The following PCDHA11 variants were observed in gnomAD, a reference collection of about 807,000 sequenced individuals.
PCDHA11 encodes protocadherin alpha 11.
In PCDHA11, 61 loss-of-function variants were observed where a neutral mutation model predicts 70.3. The ratio of observed to expected loss-of-function variants is 0.87; its 90% confidence interval spans 0.71 to 1.07. The LOEUF (loss-of-function observed/expected upper bound fraction) is 1.07, where lower values mean the gene tolerates loss of function less well. PCDHA11 is among the 50% of genes least tolerant of loss of function. The pLI, the probability that PCDHA11 is intolerant of heterozygous loss-of-function variation, is 0.00. For missense variants in PCDHA11, 1,324 were observed against 1,237.5 expected (o/e 1.07, Z -1.05); for synonymous variants, 633 against 555.1 (o/e 1.14, Z -1.97).
chr5:140,907,616 GCT>G (rs1554193070), intron 1 of PCDHA11, among the ~76,000 whole-genome samples: 1 of 152,216 alleles, frequency 6.6e-6, no homozygotes, highest in Non-Finnish European at 1.5e-5. Context: ...CATATCAAGG[GCT>G]CAGTGTTGGT....
chr5:140,967,019 C>T (rs887648506), intron 1 of PCDHA11: 1 of 1,607,542 alleles, frequency 6.2e-7, no homozygotes, highest in Non-Finnish European at 8.5e-7. Flanking sequence ...TCTGGGTGCG[C>T]CCAGTCCGCG....
intron 1 of PCDHA11, among the ~76,000 whole-genome samples, chr5:140,926,200 G>A (rs1050721250): frequency 6.6e-6 from 1 of 151,674 alleles, no homozygotes; most frequent in Non-Finnish European, 1.5e-5. Context: ...ACTTCTTTCG[G>A]GGGGCTCCTG....
At chr5:140,883,519 CG>C in intron 1 of PCDHA11, 1 of 1,614,190 alleles carries the variant, frequency 6.2e-7, no homozygotes, top group African/African-American at 1.3e-5. Flanking sequence ...ACCGCGAGAG[CG>C]TATCAGCCTA....
chr5:140,928,821 C>T, intron 1 of PCDHA11: 2 of 1,614,142 alleles, frequency 1.2e-6, no homozygotes, highest in Non-Finnish European at 1.7e-6. Context: ...ACCATGGAGA[C>T]CCACCACTTT....
intron 3 of PCDHA11, among the ~76,000 whole-genome samples, chr5:140,988,057 C>T (rs557714672): frequency 6.6e-6 from 1 of 152,188 alleles, no homozygotes; most frequent in Non-Finnish European, 1.5e-5. Context: ...GCACTGTCAA[C>T]ATGAATTTTT....
At chr5:140,961,384 A>G (rs568973458) in intron 1 of PCDHA11, among the ~76,000 whole-genome samples, 44 of 152,302 alleles carry the variant, frequency 2.9e-4, no homozygotes, top group Non-Finnish European at 5.7e-4. Flanking sequence ...AGTTTGAACT[A>G]TTCCATTAGT....
chr5:140,983,901 AT>A (rs782712573), intron 3 of PCDHA11, among the ~76,000 whole-genome samples: 20 of 152,338 alleles, frequency 1.3e-4, no homozygotes, highest in Non-Finnish European at 2.6e-4. Context: ...GCATTCGTTG[AT>A]TCTAATCAGC....
chr5:140,882,204 G>T, intron 1 of PCDHA11: 1 of 1,530,664 alleles, frequency 6.5e-7, no homozygotes. Flanking sequence ...ATTGGGCCTT[G>T]AGAGACAGTT....
chr5:141,009,705 G>A lies in PCDHA11; in HGVS notation c.2618G>A (p.Gly873Asp), dbSNP rs1554262289. Reference sequence around the variant, plus strand: ...AGCTGGACCTTTAAATACGGACCAGGCAACCCCAAACAATCCGGTCCCGGT... The same window carrying A: ...AGCTGGACCTTTAAATACGGACCAGACAACCCCAAACAATCCGGTCCCGGT... ...SNSWTFKYGPGNPKQSGPGEL... is the reference protein window; with the variant it reads ...SNSWTFKYGPDNPKQSGPGEL... Residue 873 changes from glycine (G) to aspartate (D), a missense_variant, in exon 4 of 4, where the codon GGC (glycine) becomes GAC (aspartate). Physicochemically the swap from Gly to Asp is moderately conservative, Grantham distance 94 (BLOSUM62 -1). Transcript: ENST00000398640. The A allele has an allele frequency of 6.2e-7, 1 of 1,614,106 alleles. No homozygotes were observed. Among genetic ancestry groups the A allele is most frequent in the Non-Finnish European group, 8.5e-7 (1 of 1,180,026 alleles).
At chr5:140,950,976 A>G (rs543425095) in intron 1 of PCDHA11, among the ~76,000 whole-genome samples, 188 of 151,348 alleles carry the variant, frequency 1.2e-3, no homozygotes, top group African/African-American at 4.3e-3. Flanking sequence ...AGATTCATTG[A>G]CTTTTGCCTC....
At chr5:140,972,132 A>C (rs1412850121) in intron 1 of PCDHA11, among the ~76,000 whole-genome samples, 9 of 152,062 alleles carry the variant, frequency 5.9e-5, no homozygotes, top group African/African-American at 2.2e-4. Context: ...TCAGTGAGTT[A>C]CTACTATTTT....
At chr5:140,987,565 T>C (rs1407426548) in intron 3 of PCDHA11, among the ~76,000 whole-genome samples, 1 of 152,344 alleles carries the variant, frequency 6.6e-6, no homozygotes, top group East Asian at 1.9e-4. Flanking sequence ...TCTCAGTTTC[T>C]TTCTCTATAA....
intron 1 of PCDHA11, among the ~76,000 whole-genome samples, chr5:140,977,260 T>C (rs2096752693): frequency 6.6e-6 from 1 of 152,226 alleles, no homozygotes. Flanking sequence ...TCTCAGCAGA[T>C]GTTACAGTCT....
intron 1 of PCDHA11, chr5:140,968,575 G>C: frequency 6.2e-7 from 1 of 1,614,134 alleles, no homozygotes; most frequent in Non-Finnish European, 8.5e-7. Context: ...CTGGCTACCT[G>C]GTCACCAAAG....
rs1310141347 is a variant in PCDHA11, at chr5:140,970,963, T to C, written c.2392-7986T>C. ...TGCTGAGAAACCATGGGAGGCAGAT[T>C]GTAGATTAAGAAAAATGGGGGAATA... On this transcript the variant is annotated intron_variant, in intron 1 of 3. Coordinates refer to ENST00000398640, the MANE Select transcript of PCDHA11 (RefSeq NM_018902.5). Among the ~76,000 whole-genome samples, 41 of 152,180 alleles carry C rather than the reference T, an allele frequency of 2.7e-4. 1 individual carries two copies. Among genetic ancestry groups the C allele is most frequent in the Admixed American group, 2.7e-3 (41 of 15,274 alleles).
At chr5:140,977,865 G>C (rs2096778412) in intron 1 of PCDHA11, among the ~76,000 whole-genome samples, 4 of 152,172 alleles carry the variant, frequency 2.6e-5, no homozygotes, top group Non-Finnish European at 5.9e-5. Flanking sequence ...ACCAAATATG[G>C]TAAGTATAAT....
intron 1 of PCDHA11, among the ~76,000 whole-genome samples, chr5:140,948,191 C>A (rs2094221032): frequency 6.6e-6 from 1 of 151,562 alleles, no homozygotes; most frequent in African/African-American, 2.4e-5. Context: ...CCCACTTAGT[C>A]ATGATATATT....
intron 3 of PCDHA11, among the ~76,000 whole-genome samples, chr5:140,993,888 G>A (rs1196429613): frequency 6.6e-6 from 1 of 152,140 alleles, no homozygotes; most frequent in African/African-American, 2.4e-5. Flanking sequence ...GCTCTATGAT[G>A]TCCATACAAC....
intron 1 of PCDHA11, among the ~76,000 whole-genome samples, chr5:140,878,731 A>T (rs1037542413): frequency 1.3e-5 from 2 of 152,252 alleles, no homozygotes; most frequent in Admixed American, 6.5e-5. Context: ...TTCCAGCCTT[A>T]TATCTACTTT....
Sources: allele counts gnomAD v4.1 joint callset (sites outside exome capture counted in the v4.1 genomes callset), GRCh38; gene constraint gnomAD v4.1.1; transcripts MANE v1.5; gene names NCBI Gene and HGNC (gene_info 2026-07-23, HGNC 2026-07-21).